TACC2: variants seen among roughly 807,000 people sequenced by gnomAD.
TACC2 encodes the protein transforming acidic coiled-coil containing protein 2.
TACC2 carries 137 observed loss-of-function variants against 227.3 expected under a neutral mutation model. That is an observed-to-expected ratio of 0.60 (90% CI 0.52 to 0.69). TACC2 has a LOEUF of 0.69. TACC2 is among the 30% of genes least tolerant of loss of function. TACC2 has a pLI of 0.00. For missense variants in TACC2, 3,470 were observed against 3,694.4 expected (o/e 0.94, Z 1.57); for synonymous variants, 1,523 against 1,487.5 (o/e 1.02, Z -0.55).
chr10:122,164,108 G>T, intron 7 of TACC2: 1 of 1,282,638 alleles, frequency 7.8e-7, no homozygotes, highest in Non-Finnish European at 1.1e-6. Flanking sequence ...GCTGGCCTGG[G>T]GTTCTTCGCA....
intron 3 of TACC2, among the ~76,000 whole-genome samples, chr10:122,057,322 G>A (rs1278162727): frequency 2.0e-5 from 3 of 152,194 alleles, no homozygotes; most frequent in East Asian, 1.9e-4. Flanking sequence ...GGGCACTAGG[G>A]GATGTTGTTG....
chr10:122,104,102 A>G (rs977587660), intron 5 of TACC2, among the ~76,000 whole-genome samples: 1 of 152,232 alleles, frequency 6.6e-6, no homozygotes, highest in African/African-American at 2.4e-5. Context: ...ACCTAACAAA[A>G]TGTAGGTCTT....
At chr10:122,054,799 A>G (rs754490885) in intron 3 of TACC2, among the ~76,000 whole-genome samples, 2 of 152,172 alleles carry the variant, frequency 1.3e-5, no homozygotes, top group Non-Finnish European at 2.9e-5. Flanking sequence ...AGGCAATGGT[A>G]ATTGACACAA....
chr10:122,096,691 G>A (rs55636533), intron 5 of TACC2, among the ~76,000 whole-genome samples: 1,407 of 113,810 alleles, frequency 0.012, 14 homozygotes, highest in Admixed American at 0.026. Context: ...GCAAAACTCC[G>A]TCTCAAAAAA....
At chr10:122,041,371 G>C (rs1049972064) in intron 2 of TACC2, among the ~76,000 whole-genome samples, 3 of 151,846 alleles carry the variant, frequency 2.0e-5, no homozygotes, top group Admixed American at 1.3e-4. Flanking sequence ...TAATGTGAAA[G>C]AAGTTGAGCA....
intron 3 of TACC2, among the ~76,000 whole-genome samples, chr10:122,078,777 G>A (rs1442191387): frequency 6.6e-6 from 1 of 152,230 alleles, no homozygotes; most frequent in African/African-American, 2.4e-5. Context: ...GCTTTAATCT[G>A]GCTTTAAAAA....
intron 5 of TACC2, among the ~76,000 whole-genome samples, chr10:122,128,783 A>C (rs1157929217): frequency 6.6e-6 from 1 of 152,232 alleles, no homozygotes; most frequent in African/African-American, 2.4e-5. Context: ...AAGAAAAAAC[A>C]CAAATGATTT....
At chr10:122,154,300 G>A (rs2092315727) in intron 7 of TACC2, among the ~76,000 whole-genome samples, 1 of 152,260 alleles carries the variant, frequency 6.6e-6, no homozygotes, top group Non-Finnish European at 1.5e-5. Context: ...ATGGGTGTGT[G>A]TATAAACTGG....
chr10:122,250,997 G>T (rs2096245342), intron 22 of TACC2, among the ~76,000 whole-genome samples: 1 of 131,666 alleles, frequency 7.6e-6, no homozygotes, highest in Non-Finnish European at 1.5e-5. Context: ...ATGGCTCACT[G>T]CAGCCTCAAC....
chr10:122,013,041 A>G (rs1956144482), intron 1 of TACC2, among the ~76,000 whole-genome samples: 1 of 152,120 alleles, frequency 6.6e-6, no homozygotes. Context: ...CAACATCTGA[A>G]TGTGGGGGAT....
At chr10:122,163,235 A>G (rs2092928163) in intron 7 of TACC2, among the ~76,000 whole-genome samples, 1 of 151,638 alleles carries the variant, frequency 6.6e-6, no homozygotes, top group Admixed American at 6.6e-5. Flanking sequence ...ACTGCAGCCT[A>G]TTTACCTGTT....
chr10:122,065,678 C>G (rs2077299480), intron 3 of TACC2, among the ~76,000 whole-genome samples: 2 of 152,150 alleles, frequency 1.3e-5, no homozygotes, highest in Admixed American at 1.3e-4. Context: ...TTTCTATCCA[C>G]TTGTTCAATT....
chr10:122,229,304 C>T, intron 14 of TACC2, 42 bp from the exon 15 acceptor site: 1 of 1,611,506 alleles, frequency 6.2e-7, no homozygotes, highest in Non-Finnish European at 8.5e-7. Flanking sequence ...TCTCTGTTCT[C>T]CTCTATTTTT....
rs149557136 is a variant in TACC2 at position 122,083,469 on chromosome 10, A to C, written c.969A>C (p.Ala323=). 98 of 1,613,206 alleles carry C rather than the reference A, an allele frequency of 6.1e-5. No homozygotes were observed. The highest frequency in any genetic ancestry group is 7.9e-5 in the Non-Finnish European group (93 of 1,180,024). ...PRSNSGAAPE[A]EVNAASQESC... ...GCAATTCAGGGGCTGCCCCAGAAGC[A>C]GAAGTGAATGCCGCTTCCCAGGAGA... The change falls in exon 4 of 23, where the codon GCA becomes GCC. Residue 323 remains alanine (A), a synonymous_variant. Transcript: ENST00000369005.
chr10:122,163,780 C>T (rs2092976474), intron 7 of TACC2: 2 of 1,227,122 alleles, frequency 1.6e-6, no homozygotes, highest in Non-Finnish European at 1.0e-6. Context: ...CCGCCGCTCC[C>T]GCCGCCACGG....
chr10:122,120,772 T>G (rs1393617714), intron 5 of TACC2, among the ~76,000 whole-genome samples: 1 of 152,100 alleles, frequency 6.6e-6, no homozygotes. Flanking sequence ...TCTTTCTTTT[T>G]TTTTTTGAGA....
chr10:122,010,848 A>C (rs1955833580), intron 1 of TACC2, among the ~76,000 whole-genome samples: 1 of 152,120 alleles, frequency 6.6e-6, no homozygotes, highest in African/African-American at 2.4e-5. Flanking sequence ...TAAGACAAGA[A>C]TTTATTTATT....
At chr10:122,197,753 C>T (rs1002772224) in intron 8 of TACC2, among the ~76,000 whole-genome samples, 3 of 152,208 alleles carry the variant, frequency 2.0e-5, no homozygotes, top group South Asian at 2.1e-4. Flanking sequence ...AGGAGACTTA[C>T]GGTTGGAACT....
rs113933922 is a variant in TACC2 at position 122,235,404 on chromosome 10, T to G, written c.8128-1991T>G. ...CAACCGGCCCCCAATTTTTTTTTAT[T>G]AAAAATTTTTCTAGAGATGAGATCT... is the stretch of plus-strand genomic sequence containing the variant. On this transcript the variant is annotated intron_variant, in intron 16 of 22. Transcript: ENST00000369005. Among the ~76,000 whole-genome samples the G allele has an allele frequency of 1.2e-4, 19 of 152,112 alleles. 2 individuals are homozygous for G. Among genetic ancestry groups the G allele is most frequent in the African/African-American group, 4.6e-4 (19 of 41,500 alleles).
Sources: gnomAD v4.1 joint callset for allele counts (sites outside exome capture counted in the v4.1 genomes callset) on GRCh38, gnomAD v4.1.1 for gene constraint, MANE v1.5 for transcripts, NCBI Gene and HGNC (gene_info 2026-07-23, HGNC 2026-07-21) for gene names.